The following SH3GL2 variants were observed in gnomAD, a reference collection of about 807,000 sequenced individuals.
SH3GL2 encodes endophilin-A1.
Under a neutral mutation model 46.0 loss-of-function variants are expected in SH3GL2, and 24 were observed. The observed-to-expected ratio is 0.52, with a 90% CI of 0.38 to 0.73. The LOEUF is 0.73. Among genes scored for constraint, SH3GL2 ranks in the 30% least tolerant of loss-of-function variants. SH3GL2 has a pLI of 0.00. For synonymous variants in SH3GL2, 196 were observed against 147.1 expected (o/e 1.33, Z -2.40); for missense variants, 413 against 424.2 (o/e 0.97, Z 0.23).
At position 17,790,327 on chromosome 9, in the gene SH3GL2, T is replaced by C. The variant is rs1049616308; in HGVS notation, c.624+777T>C. 2.7e-5 allele frequency: 11 copies of C among 406,872 alleles called. 1 individual carries two copies. The highest frequency in any genetic ancestry group is 1.0e-5 in the Non-Finnish European group (3 of 301,230). 25.2% of individuals were successfully genotyped at this position (406,872 alleles called of 1,614,324 possible). A position where few individuals can be genotyped will look rare whatever the true frequency, so the allele number is the denominator to read the frequency against. Reference sequence around the variant, plus strand: ...ACAGACACACCCAGAAATAATGCTTTACCAGCTATCTGGGGATCCCTTAAT... The same window carrying C: ...ACAGACACACCCAGAAATAATGCTTCACCAGCTATCTGGGGATCCCTTAAT... On this transcript the variant is annotated intron_variant, in intron 6 of 8. Transcript: ENST00000380607.
chr9:17,604,028 G>A (rs1307677262), intron 1 of SH3GL2, among the ~76,000 whole-genome samples: 2 of 152,200 alleles, frequency 1.3e-5, no homozygotes, highest in South Asian at 4.1e-4. Context: ...GTTGTTTTTA[G>A]TTTCTGGTCA....
chr9:17,713,028 C>G lies in SH3GL2; in HGVS notation c.46-34038C>G, dbSNP rs1000094153. 4.2e-4 allele frequency among the ~76,000 whole-genome samples: 64 copies of G among 150,654 alleles called. 2 individuals are homozygous for G. The highest frequency in any genetic ancestry group is 1.5e-3 in the African/African-American group (62 of 41,112). On this transcript the variant is annotated intron_variant, in intron 1 of 8. Coordinates refer to ENST00000380607, the MANE Select transcript of SH3GL2 (RefSeq NM_003026.5). Reference sequence around the variant, plus strand: ...TAGCTATACATTTTTCTTATAGGCCCTTTTTAAAGTTTAAGGGCATTCCTT... The same window carrying G: ...TAGCTATACATTTTTCTTATAGGCCGTTTTTAAAGTTTAAGGGCATTCCTT...
chr9:17,795,707 C>G lies in SH3GL2; in HGVS notation c.1023C>G (p.Ile341Met). The G allele has an allele frequency of 6.2e-7, 1 of 1,613,950 alleles. No homozygotes were observed. The highest frequency in any genetic ancestry group is 8.5e-7 in the Non-Finnish European group (1 of 1,179,888). The change falls in exon 9 of 9, where the codon ATC becomes ATG. Residue 341 changes from isoleucine (I) to methionine (M), a missense_variant. Physicochemically the swap from Ile to Met is conservative, Grantham distance 10 (BLOSUM62 1). Transcript: ENST00000380607. The stretch of plus-strand genomic sequence containing the variant: ...ATGGCCATTCAGGCTTCTTCCCCAT[C>G]AATTATGTGGAAATTCTGGTTGCCC... ...MLHGHSGFFP[I>M]NYVEILVALP...
intron 1 of SH3GL2, among the ~76,000 whole-genome samples, chr9:17,741,468 G>C (rs1822526951): frequency 6.6e-6 from 1 of 152,142 alleles, no homozygotes; most frequent in African/African-American, 2.4e-5. Context: ...ATTTTCTTTA[G>C]CCTTGGCTGT....
chr9:17,632,344 G>A (rs1263885935), intron 1 of SH3GL2, among the ~76,000 whole-genome samples: 1 of 151,946 alleles, frequency 6.6e-6, no homozygotes, highest in African/African-American at 2.4e-5. Flanking sequence ...TTCCATCTTG[G>A]CCGACATAGC....
rs551380570 is a variant in SH3GL2, at chr9:17,630,517, G to T, written c.45+51230G>T. The T allele has an allele frequency of 3.9e-5, 6 of 152,370 alleles. No individual in the cohort carries two copies. The South Asian group carries it at 8.3e-4, about 21-fold the overall frequency. 9.4% of individuals were successfully genotyped at this position (152,370 alleles called of 1,614,324 possible). On this transcript the variant is annotated intron_variant, in intron 1 of 8. Transcript: ENST00000380607. ...CAAGTGATCACGCGTATCAATGCTA[G>T]GAGTGACGTCAAGTAGACTGGCTGG...
At chr9:17,769,368 A>C (rs980946580) in intron 3 of SH3GL2, among the ~76,000 whole-genome samples, 1 of 152,244 alleles carries the variant, frequency 6.6e-6, no homozygotes, top group East Asian at 1.9e-4. Flanking sequence ...TGTTCACTAT[A>C]CTGCCTTTTT....
chr9:17,706,344 T>G (rs1334914120), intron 1 of SH3GL2, among the ~76,000 whole-genome samples: 1 of 152,098 alleles, frequency 6.6e-6, no homozygotes, highest in Non-Finnish European at 1.5e-5. Flanking sequence ...TAGACATGAA[T>G]GTATTTTTAT....
At chr9:17,660,708 C>A (rs192035137) in intron 1 of SH3GL2, among the ~76,000 whole-genome samples, 4 of 152,098 alleles carry the variant, frequency 2.6e-5, no homozygotes, top group Non-Finnish European at 1.5e-5. Flanking sequence ...TTTGGACTAG[C>A]TGATTCTCAG....
At chr9:17,630,102 A>G (rs1819385208) in intron 1 of SH3GL2, among the ~76,000 whole-genome samples, 1 of 152,170 alleles carries the variant, frequency 6.6e-6, no homozygotes, top group Non-Finnish European at 1.5e-5. Context: ...TTTGGAAATC[A>G]GGGTTATAGC....
At chr9:17,748,143 CAT>C (rs1822747065) in intron 2 of SH3GL2, among the ~76,000 whole-genome samples, 1 of 152,124 alleles carries the variant, frequency 6.6e-6, no homozygotes, top group African/African-American at 2.4e-5. Context: ...TTTCTTGGGA[CAT>C]GAGCCATATT....
intron 1 of SH3GL2, among the ~76,000 whole-genome samples, chr9:17,625,437 G>C (rs1316892301): frequency 1.3e-5 from 2 of 152,148 alleles, no homozygotes; most frequent in African/African-American, 4.8e-5. Context: ...GATAATTTCT[G>C]ACACTTTCTT....
intron 1 of SH3GL2, among the ~76,000 whole-genome samples, chr9:17,656,700 G>C (rs545885098): frequency 1.0e-4 from 15 of 150,692 alleles, no homozygotes; most frequent in African/African-American, 3.7e-4. Context: ...TTAAAAAGAG[G>C]CGGAGCTTGT....
At position 17,744,694 on chromosome 9, in the gene SH3GL2, C is replaced by T. The variant is rs141132669; in HGVS notation, c.46-2372C>T. Among the ~76,000 whole-genome samples, 574 of 152,158 alleles carry T rather than the reference C, an allele frequency of 3.8e-3. 2 individuals are homozygous for T. The highest frequency in any genetic ancestry group is 0.013 in the African/African-American group (546 of 41,490). On this transcript the variant is annotated intron_variant, in intron 1 of 8. Coordinates refer to ENST00000380607, the MANE Select transcript of SH3GL2 (RefSeq NM_003026.5). ...AGTAGGTTCTTAACTGAATTCTAACCCCCGCACCCAATTTCTAGTTTGCTA... is the reference window on the plus strand; with the variant it reads ...AGTAGGTTCTTAACTGAATTCTAACTCCCGCACCCAATTTCTAGTTTGCTA...
At chr9:17,682,006 G>A (rs10125199) in intron 1 of SH3GL2, among the ~76,000 whole-genome samples, 81,093 of 151,866 alleles carry the variant, frequency 0.53, 22,842 homozygotes, top group African/African-American at 0.7. Flanking sequence ...AATCAAAACT[G>A]CAATGAGATA....
intron 1 of SH3GL2, among the ~76,000 whole-genome samples, chr9:17,712,089 C>CT (rs1008621486): frequency 8.6e-5 from 13 of 151,660 alleles, no homozygotes; most frequent in Admixed American, 3.3e-4. Context: ...TTTTTATGTG[C>CT]TTTTTTTGCT....
chr9:17,699,391 A>G (rs903737732), intron 1 of SH3GL2, among the ~76,000 whole-genome samples: 15 of 152,194 alleles, frequency 9.9e-5, no homozygotes, highest in African/African-American at 3.4e-4. Flanking sequence ...ACTGAAATGT[A>G]TACTTGCCAG....
At chr9:17,624,206 A>G (rs949469929) in intron 1 of SH3GL2, among the ~76,000 whole-genome samples, 2 of 152,218 alleles carry the variant, frequency 1.3e-5, no homozygotes, top group Admixed American at 6.5e-5. Context: ...CAGGATGTCC[A>G]ACCTGCAGGC....
chr9:17,657,392 TC>T (rs779557673), intron 1 of SH3GL2, among the ~76,000 whole-genome samples: 10 of 152,190 alleles, frequency 6.6e-5, no homozygotes, highest in Non-Finnish European at 1.3e-4. Flanking sequence ...AGGTCACCCT[TC>T]CCTCAACACC....
Sources: gnomAD v4.1 joint callset for allele counts (sites outside exome capture counted in the v4.1 genomes callset) on GRCh38, gnomAD v4.1.1 for gene constraint, MANE v1.5 for transcripts, NCBI Gene and HGNC (gene_info 2026-07-23, HGNC 2026-07-21) for gene names.